Variants in SPOCK3 observed in about 807,000 individuals in gnomAD.
The protein encoded by SPOCK3 is SPARC (osteonectin), cwcv and kazal like domains proteoglycan 3, also known as testican-3.
In SPOCK3, 30 loss-of-function variants were observed where a neutral mutation model predicts 56.6. The observed-to-expected ratio is 0.53, with a 90% CI of 0.40 to 0.72. The LOEUF (loss-of-function observed/expected upper bound fraction) is 0.72, where lower values mean the gene tolerates loss of function less well. Among genes scored for constraint, SPOCK3 ranks in the 30% least tolerant of loss-of-function variants. The pLI, the probability that SPOCK3 is intolerant of heterozygous loss-of-function variation, is 0.00. For synonymous variants in SPOCK3, 196 were observed against 183.3 expected, an observed-to-expected ratio of 1.07 and a Z score of -0.56; for missense variants, 527 against 530.0, an observed-to-expected ratio of 0.99 and a Z score of 0.06.
In SPOCK3 at chr4:166,873,032, G is replaced by A. The variant is rs146761948; in HGVS notation, c.589+16098C>T. Among the ~76,000 whole-genome samples, 27 of 152,142 alleles carry A rather than the reference G, an allele frequency of 1.8e-4. No homozygotes were observed. In the East Asian group the frequency reaches 4.1e-3, roughly 23 times the overall value. The stretch of plus-strand genomic sequence containing the variant: ...ATGGAGAGAGGGAGAGCTCATTCAC[G>A]CCTTTCGGAGGGCATTAGTCTCCAT... On this transcript the variant is annotated intron_variant, in intron 6 of 10. Coordinates refer to ENST00000357545, the MANE Select transcript of SPOCK3 (RefSeq NM_001040159.2).
At chr4:167,017,973 A>AT (rs1298313002) in intron 3 of SPOCK3, among the ~76,000 whole-genome samples, 8 of 152,014 alleles carry the variant, frequency 5.3e-5, no homozygotes, top group Non-Finnish European at 1.2e-4. Context: ...CGTATTGTAC[A>AT]TTTTTTTCTT....
rs12509134 is a variant in SPOCK3 at position 166,756,027 on chromosome 4, T to C, written c.710-1298A>G. Among the ~76,000 whole-genome samples, 3 of 34,592 alleles carry C rather than the reference T, an allele frequency of 8.7e-5. 1 individual carries two copies. The highest frequency in any genetic ancestry group is 1.3e-4 in the Non-Finnish European group (2 of 15,732). 22.7% of individuals were successfully genotyped at this position (34,592 alleles called of 152,430 possible). On this transcript the variant is annotated intron_variant, in intron 7 of 10. Coordinates refer to ENST00000357545, the MANE Select transcript of SPOCK3 (RefSeq NM_001040159.2). ...GACAGTGGGCGCAGGCCAGTGTGTGTGCGCACCGTGCGCGAGCCGAAGCAG... is the reference window on the plus strand; with the variant it reads ...GACAGTGGGCGCAGGCCAGTGTGTGCGCGCACCGTGCGCGAGCCGAAGCAG...
chr4:166,927,109 T>C (rs1440833757), intron 4 of SPOCK3, among the ~76,000 whole-genome samples: 2 of 152,248 alleles, frequency 1.3e-5, no homozygotes, highest in Non-Finnish European at 2.9e-5. Context: ...ATTTACTTGT[T>C]GGAAGACATA....
chr4:167,145,167 A>G (rs796853075), intron 2 of SPOCK3, among the ~76,000 whole-genome samples: 4 of 152,182 alleles, frequency 2.6e-5, no homozygotes, highest in African/African-American at 9.6e-5. Flanking sequence ...ATGCACCATT[A>G]AAGAGTGAAG....
intron 6 of SPOCK3, among the ~76,000 whole-genome samples, chr4:166,813,441 A>G (rs1158666963): frequency 6.6e-6 from 1 of 152,038 alleles, no homozygotes; most frequent in Non-Finnish European, 1.5e-5. Context: ...AGCAACTCTA[A>G]AATTATTACA....
At chr4:166,821,575 T>C (rs935851585) in intron 6 of SPOCK3, among the ~76,000 whole-genome samples, 3 of 151,966 alleles carry the variant, frequency 2.0e-5, no homozygotes, top group Admixed American at 6.6e-5. Context: ...ATGTAGTATA[T>C]CCATGCAATG....
Position 166,795,118 on chromosome 4 carries a change from A to G in SPOCK3, c.590-2829T>C, listed in dbSNP as rs191310720. Among the ~76,000 whole-genome samples, 252 of 152,326 alleles carry G rather than the reference A, an allele frequency of 1.7e-3. 2 individuals carry two copies. Among genetic ancestry groups the G allele is most frequent in the African/African-American group, 5.6e-3 (231 of 41,578 alleles). On this transcript the variant is annotated intron_variant, in intron 6 of 10. Transcript: ENST00000357545. ...AGAAGACAATGAACATTTATTGATC[A>G]TATTCATCAACTCAAACACTGGAGT...
chr4:167,109,281 TATTA>T (rs1200051367), intron 2 of SPOCK3, among the ~76,000 whole-genome samples: 8 of 89,564 alleles, frequency 8.9e-5, no homozygotes, highest in Non-Finnish European at 1.4e-4. Context: ...AAAAATTAAG[TATTA>T]ATTATTATAA....
At chr4:167,025,297 T>C (rs749704107) in intron 3 of SPOCK3, among the ~76,000 whole-genome samples, 21 of 151,536 alleles carry the variant, frequency 1.4e-4, no homozygotes, top group Admixed American at 3.3e-4. Context: ...AATTCCCCCA[T>C]TAACCAGCAG....
At chr4:167,105,945 A>T (rs1363999332) in intron 2 of SPOCK3, among the ~76,000 whole-genome samples, 1 of 152,000 alleles carries the variant, frequency 6.6e-6, no homozygotes, top group Non-Finnish European at 1.5e-5. Flanking sequence ...AACAATTGTA[A>T]ATATGTAAGC....
chr4:166,996,394 T>C (rs1248057231), intron 4 of SPOCK3, among the ~76,000 whole-genome samples: 1 of 152,194 alleles, frequency 6.6e-6, no homozygotes, highest in Non-Finnish European at 1.5e-5. Context: ...CATAAAACAC[T>C]GGGCTTCTTG....
At position 166,859,781 on chromosome 4, in the gene SPOCK3, A is replaced by T. The variant is rs80317623; in HGVS notation, c.589+29349T>A. Among the ~76,000 whole-genome samples, 986 of 152,260 alleles carry T rather than the reference A, an allele frequency of 6.5e-3. 9 individuals carry two copies. The highest frequency in any genetic ancestry group is 0.022 in the African/African-American group (927 of 41,568). On this transcript the variant is annotated intron_variant, in intron 6 of 10. Coordinates refer to ENST00000357545, the MANE Select transcript of SPOCK3 (RefSeq NM_001040159.2). ...AATTAGCATCCAGGGGGTTCCTTGT[A>T]CTAAATAGGACACATCTTCAGAAAT...
intron 2 of SPOCK3, among the ~76,000 whole-genome samples, chr4:167,207,213 T>C (rs773085881): frequency 4.2e-4 from 64 of 152,194 alleles, no homozygotes; most frequent in Non-Finnish European, 8.2e-4. Context: ...ATGTGTTGAT[T>C]TACTGTTTAT....
intron 6 of SPOCK3, among the ~76,000 whole-genome samples, chr4:166,849,229 C>A (rs1283330809): frequency 6.6e-6 from 1 of 152,076 alleles, no homozygotes; most frequent in African/African-American, 2.4e-5. Flanking sequence ...TTTTTGTATT[C>A]ATTCCTGTTT....
chr4:166,979,768 C>T (rs750663843), intron 4 of SPOCK3, among the ~76,000 whole-genome samples: 2 of 152,196 alleles, frequency 1.3e-5, no homozygotes, highest in African/African-American at 2.4e-5. Context: ...TAAATGTTCT[C>T]ATCAATTTCC....
intron 4 of SPOCK3, among the ~76,000 whole-genome samples, chr4:166,932,831 C>A (rs930630732): frequency 2.6e-5 from 4 of 152,056 alleles, no homozygotes; most frequent in Non-Finnish European, 5.9e-5. Flanking sequence ...AAGTAAAGTG[C>A]TTTTCTGGCA....
intron 8 of SPOCK3, chr4:166,754,056 G>T (rs1000021581): frequency 2.1e-6 from 2 of 937,060 alleles, no homozygotes; most frequent in East Asian, 1.2e-4. Context: ...AATCACATGA[G>T]TAAAAATAAC....
intron 7 of SPOCK3, among the ~76,000 whole-genome samples, chr4:166,767,769 G>C (rs550894443): frequency 6.6e-6 from 1 of 152,258 alleles, no homozygotes; most frequent in African/African-American, 2.4e-5. Flanking sequence ...TCGTTGATCT[G>C]TCTAATGTTG....
chr4:167,084,411 C>T (rs1411990742), intron 2 of SPOCK3, among the ~76,000 whole-genome samples: 1 of 151,726 alleles, frequency 6.6e-6, no homozygotes, highest in African/African-American at 2.4e-5. Context: ...ATTTTTTCTT[C>T]TCTGAGAATA....
Sources: allele counts gnomAD v4.1 joint callset (sites outside exome capture counted in the v4.1 genomes callset), GRCh38; gene constraint gnomAD v4.1.1; transcripts MANE v1.5; gene names NCBI Gene and HGNC (gene_info 2026-07-23, HGNC 2026-07-21).